NALCN: variants seen among roughly 807,000 people sequenced by gnomAD.
The protein encoded by NALCN is sodium leak channel, non-selective.
NALCN carries 111 observed loss-of-function variants against 225.3 expected under a neutral mutation model. The observed-to-expected ratio is 0.49, with a 90% CI of 0.42 to 0.58. The LOEUF is 0.58. Ranked by LOEUF, NALCN falls within the 20% of genes least tolerant of loss-of-function variation. The probability of loss-of-function intolerance (pLI) is 0.00; values close to 1 mark genes in which losing one functional copy is unlikely to be tolerated. For synonymous variants in NALCN, 764 were observed against 769.0 expected, an observed-to-expected ratio of 0.99 and a Z score of 0.11; for missense variants, 1,378 against 2,202.4, an observed-to-expected ratio of 0.63 and a Z score of 7.49.
intron 10 of NALCN, among the ~76,000 whole-genome samples, chr13:101,282,606 T>C (rs976959317): frequency 6.6e-6 from 1 of 152,166 alleles, no homozygotes; most frequent in African/African-American, 2.4e-5. Context: ...TAATACTGTA[T>C]TGTATACATG....
At chr13:101,359,513 G>T (rs2046162325) in intron 6 of NALCN, among the ~76,000 whole-genome samples, 1 of 152,218 alleles carries the variant, frequency 6.6e-6, no homozygotes, top group African/African-American at 2.4e-5. Context: ...ATAAAAATTT[G>T]TCCTAGTGCA....
intron 20 of NALCN, among the ~76,000 whole-genome samples, chr13:101,108,874 C>T (rs1329486591): frequency 6.6e-6 from 1 of 152,100 alleles, no homozygotes; most frequent in African/African-American, 2.4e-5. Flanking sequence ...TTAAATCTCC[C>T]CTTTGTGGGA....
At chr13:101,357,592 G>GA (rs1160773850) in intron 6 of NALCN, among the ~76,000 whole-genome samples, 1 of 152,106 alleles carries the variant, frequency 6.6e-6, no homozygotes, top group Non-Finnish European at 1.5e-5. Flanking sequence ...TCAATATCAT[G>GA]AAAATGGCCA....
At chr13:101,060,273 C>CTTTTTTTT (rs1566768228) in intron 41 of NALCN, among the ~76,000 whole-genome samples, 12 of 49,312 alleles carry the variant, frequency 2.4e-4, no homozygotes, top group Non-Finnish European at 3.4e-4. Context: ...TTGGTGTTTT[C>CTTTTTTTT]TGTTTTTTTT....
Position 101,059,927 on chromosome 13 carries a change from T to A in NALCN, c.4796A>T (p.Glu1599Val), listed in dbSNP as rs1293224300. ...CCGGCTCAGCTCTTGCTGCTGACTC[T>A]CTCTCAGGCTGTGGATGATACTGCA... Reference protein sequence around the residue: ...QSCSIIHSLRESQQQELSRFL... With the variant: ...QSCSIIHSLRVSQQQELSRFL... Residue 1599 changes from glutamate (E) to valine (V), a missense_variant, in exon 42 of 44, where the codon GAG becomes GTG. This residue lies in a region of NALCN where 94 missense variants were observed against 170.3 expected (regional missense o/e 0.55). Transcript: ENST00000251127. 6.2e-7 allele frequency: 1 copy of A among 1,614,076 alleles called. No individual in the cohort carries two copies. Among genetic ancestry groups the A allele is most frequent in the South Asian group, 1.1e-5 (1 of 91,072 alleles).
At chr13:101,208,553 T>A (rs1206384795) in intron 13 of NALCN, among the ~76,000 whole-genome samples, 1 of 152,188 alleles carries the variant, frequency 6.6e-6, no homozygotes, top group Non-Finnish European at 1.5e-5. Flanking sequence ...GTTGTTTGAG[T>A]GAATATATGG....
At chr13:101,192,842 T>C (rs767660548) in intron 13 of NALCN, among the ~76,000 whole-genome samples, 2 of 152,192 alleles carry the variant, frequency 1.3e-5, no homozygotes, top group Non-Finnish European at 2.9e-5. Flanking sequence ...CTATACACAT[T>C]AGTAGTCAAT....
intron 18 of NALCN, among the ~76,000 whole-genome samples, chr13:101,116,133 C>A (rs1480220228): frequency 6.6e-6 from 1 of 151,982 alleles, no homozygotes; most frequent in Non-Finnish European, 1.5e-5. Context: ...AGATGAGGAC[C>A]CCTGAGGATG....
At position 101,283,938 on chromosome 13, in the gene NALCN, G is replaced by A; in HGVS notation, c.1129C>T (p.Leu377Phe). The change falls in exon 10 of 44, where the codon CTC (leucine) becomes TTC (phenylalanine). Residue 377 changes from leucine (L) to phenylalanine (F), a missense_variant. Around this residue, in one of 19 missense-constraint regions of NALCN, gnomAD observed 144 missense variants for 187.7 expected, o/e 0.77. Transcript: ENST00000251127. Reference sequence around the variant, plus strand: ...AAAATGTCATTGTACTGCACCTGGAGGCAGGCTGGGGCGCGTCCCTGGGGC... The same window carrying A: ...AAAATGTCATTGTACTGCACCTGGAAGCAGGCTGGGGCGCGTCCCTGGGGC... ...NKPQGRAPACLQKMMRSSVFH... is the reference protein window; with the variant it reads ...NKPQGRAPACFQKMMRSSVFH... The A allele has an allele frequency of 6.2e-7, 1 of 1,611,124 alleles. No homozygotes were observed. The highest frequency in any genetic ancestry group is 2.2e-5 in the East Asian group (1 of 44,804).
At chr13:101,133,545 G>C (rs2036617137) in intron 17 of NALCN, among the ~76,000 whole-genome samples, 3 of 152,110 alleles carry the variant, frequency 2.0e-5, no homozygotes, top group Admixed American at 1.3e-4. Flanking sequence ...TTGGGAATAA[G>C]CAATTACTTA....
At chr13:101,150,555 G>A (rs139040173) in intron 15 of NALCN, among the ~76,000 whole-genome samples, 1 of 152,050 alleles carries the variant, frequency 6.6e-6, no homozygotes, top group African/African-American at 2.4e-5. Context: ...GGTGTGTGTT[G>A]GTGGTGGGGG....
intron 6 of NALCN, among the ~76,000 whole-genome samples, chr13:101,366,746 A>G (rs1192251575): frequency 1.3e-5 from 2 of 152,222 alleles, no homozygotes; most frequent in Non-Finnish European, 2.9e-5. Flanking sequence ...CAATTAATAT[A>G]TCCATCATAT....
intron 10 of NALCN, among the ~76,000 whole-genome samples, chr13:101,259,082 T>C (rs2042332628): frequency 6.6e-6 from 1 of 152,166 alleles, no homozygotes; most frequent in Non-Finnish European, 1.5e-5. Flanking sequence ...CTACAACTTC[T>C]AGTAAGTGAC....
chr13:101,188,091 A>C (rs945775509), intron 14 of NALCN, among the ~76,000 whole-genome samples: 1 of 152,172 alleles, frequency 6.6e-6, no homozygotes, highest in Non-Finnish European at 1.5e-5. Context: ...CGATACATAA[A>C]TGTATTGCAG....
chr13:101,171,837 C>A (rs1056569828), intron 15 of NALCN, among the ~76,000 whole-genome samples: 1 of 152,122 alleles, frequency 6.6e-6, no homozygotes, highest in Non-Finnish European at 1.5e-5. Flanking sequence ...TCTTTCCTGC[C>A]AAAATGCCTC....
At chr13:101,210,380 G>A (rs2040478625) in intron 13 of NALCN, among the ~76,000 whole-genome samples, 1 of 152,166 alleles carries the variant, frequency 6.6e-6, no homozygotes, top group Non-Finnish European at 1.5e-5. Context: ...CATCCAAGAA[G>A]GGTATACCCA....
In NALCN at chr13:101,292,335, G is replaced by A; in HGVS notation, c.831C>T (p.Ala277=). ...GTSIFTVYEA[A]SQEGWVFLMY... ...TGAGGAACACCCAGCCTTCCTGTGA[G>A]GCGGCCTCATAGACGGTGAATATAC... Residue 277 remains alanine (A), a synonymous_variant, in exon 8 of 44, where the codon GCC becomes GCT. Transcript: ENST00000251127. The surrounding 1 kb of genome is among the most constrained non-coding windows in gnomAD (Gnocchi z 4.3). 1 of 1,614,122 alleles carries A rather than the reference G, an allele frequency of 6.2e-7. No individual in the cohort carries two copies.
rs115725234 is a variant in NALCN, at chr13:101,081,808, C to A, written c.3766-162G>T. Among the ~76,000 whole-genome samples the A allele has an allele frequency of 0.014, 2,158 of 152,174 alleles. 53 individuals are homozygous for A. Among genetic ancestry groups the A allele is most frequent in the African/African-American group, 0.05 (2,062 of 41,512 alleles). On this transcript the variant is annotated intron_variant, in intron 33 of 43. Transcript: ENST00000251127. ...TCTTTTCCATTGAAAATGAGACAAA[C>A]ACTTTAATGCCCTTTGAGGTTTCCT...
rs373436147 is a variant in NALCN, at chr13:101,345,433, C to T, written c.645-13G>A. On this transcript the variant is annotated splice_polypyrimidine_tract_variant and intron_variant, in intron 6 of 43. Transcript: ENST00000251127. ...CCAGGTTACATTCCTGTGAACAACA[C>T]ATGAAAGTGTTAGACAATTTCAACA... 1.2e-6 allele frequency: 2 copies of T among 1,609,644 alleles called. No individual in the cohort carries two copies. The highest frequency in any genetic ancestry group is 2.7e-5 in the African/African-American group (2 of 74,762).
Sources: gnomAD v4.1 joint callset for allele counts (sites outside exome capture counted in the v4.1 genomes callset) on GRCh38, gnomAD v4.1.1 for gene constraint, gnomAD v4.1.1 regional missense constraint, Gnocchi (gnomAD v3.1) non-coding constraint, MANE v1.5 for transcripts, NCBI Gene and HGNC (gene_info 2026-07-23, HGNC 2026-07-21) for gene names.